Variants in MYO10 observed in about 807,000 individuals in gnomAD.
MYO10 encodes the protein myosin X, also known as unconventional myosin-X.
In MYO10, 133 loss-of-function variants were observed where a neutral mutation model predicts 257.3. That is an observed-to-expected ratio of 0.52 (90% CI 0.45 to 0.60). The LOEUF is 0.60. Among genes scored for constraint, MYO10 ranks in the 20% least tolerant of loss-of-function variants. The pLI is 0.00. For missense variants in MYO10, 2,399 were observed against 2,635.7 expected (o/e 0.91, Z 1.97); for synonymous variants, 1,104 against 1,028.6 (o/e 1.07, Z -1.40).
intron 2 of MYO10, among the ~76,000 whole-genome samples, chr5:16,831,369 G>A (rs544561739): frequency 1.5e-4 from 23 of 152,104 alleles, no homozygotes; most frequent in African/African-American, 2.9e-4. Context: ...CCACTACTGG[G>A]TATCTACCCA....
rs1389030496 is a variant in MYO10 at position 16,763,661 on chromosome 5, T to C, written c.1421A>G (p.Tyr474Cys). Reference sequence around the variant, plus strand: ...GAATTCTATGAGTGCTTACCGGCTATATTCTAGTTGTTCTAAAGAAAAAAT... The same window carrying C: ...GAATTCTATGAGTGCTTACCGGCTACATTCTAGTTGTTCTAAAGAAAAAAT... ...KHIFSLEQLE[Y>C]SREGLVWEDI... is the part of the protein sequence containing the mutation. Residue 474 changes from tyrosine (Y) to cysteine (C), a missense_variant, in exon 13 of 41, where the codon TAT (tyrosine) becomes TGT (cysteine). Physicochemically the swap from Tyr to Cys is radical, Grantham distance 194. Coordinates refer to ENST00000513610, the MANE Select transcript of MYO10 (RefSeq NM_012334.3). The C allele has an allele frequency of 1.2e-6, 2 of 1,604,388 alleles. No homozygotes were observed. The highest frequency in any genetic ancestry group is 1.1e-5 in the South Asian group (1 of 90,732).
chr5:16,758,778 G>A (rs1740608607), intron 17 of MYO10, among the ~76,000 whole-genome samples: 1 of 152,088 alleles, frequency 6.6e-6, no homozygotes, highest in Non-Finnish European at 1.5e-5. Context: ...ATCCCCTAAT[G>A]CCAGGTGAGA....
At chr5:16,902,517 C>T (rs1005746700) in intron 1 of MYO10, 5 of 1,576,430 alleles carry the variant, frequency 3.2e-6, no homozygotes, top group East Asian at 4.5e-5. Flanking sequence ...CACTATGTTT[C>T]GAATGACGAA....
intron 1 of MYO10, among the ~76,000 whole-genome samples, chr5:16,917,350 T>C (rs1000058406): frequency 1.3e-5 from 2 of 152,186 alleles, no homozygotes; most frequent in African/African-American, 4.8e-5. Flanking sequence ...TTCTTACCCT[T>C]AACACTATTG....
At chr5:16,900,864 C>A (rs893282351) in intron 1 of MYO10, among the ~76,000 whole-genome samples, 2 of 151,770 alleles carry the variant, frequency 1.3e-5, no homozygotes, top group Non-Finnish European at 2.9e-5. Context: ...CTCAGCCTCC[C>A]GAGTAGCTGG....
intron 40 of MYO10, among the ~76,000 whole-genome samples, chr5:16,667,632 A>C (rs1554031446): frequency 6.6e-6 from 1 of 151,914 alleles, no homozygotes; most frequent in Non-Finnish European, 1.5e-5. Context: ...GGGAACCTAC[A>C]ATGCCACATC....
At chr5:16,783,504 C>T (rs1395014017) in intron 4 of MYO10, 35 bp from the exon 5 acceptor site, 4 of 1,586,966 alleles carry the variant, frequency 2.5e-6, no homozygotes, top group African/African-American at 1.4e-5. Flanking sequence ...GTGCTTCTAA[C>T]TATAATTTTT....
intron 19 of MYO10, chr5:16,741,840 T>C (rs1260429922): frequency 2.0e-6 from 2 of 985,324 alleles, no homozygotes; most frequent in Admixed American, 6.1e-5. Flanking sequence ...TTCTGTCCAC[T>C]GTAAATAGCT....
rs925182650 is a variant in MYO10 at position 16,841,648 on chromosome 5, G to A, written c.121-23481C>T. The stretch of plus-strand genomic sequence containing the variant: ...TGAGCTCCACAGACCATCACAACGC[G>A]GCAGCCTTTGTGGTCTGAGACACTA... On this transcript the variant is annotated intron_variant, in intron 2 of 40. Coordinates refer to ENST00000513610, the MANE Select transcript of MYO10 (RefSeq NM_012334.3). Among the ~76,000 whole-genome samples, 10 of 152,238 alleles carry A rather than the reference G, an allele frequency of 6.6e-5. No individual in the cohort carries two copies. In the South Asian group the frequency reaches 1.7e-3, roughly 25 times the overall value.
rs1419996626 is a variant in MYO10 at position 16,783,332 on chromosome 5, T to C, written c.602+3A>G. 2.7e-6 allele frequency: 4 copies of C among 1,476,542 alleles called. No homozygotes were observed. Among genetic ancestry groups the C allele is most frequent in the Non-Finnish European group, 3.7e-6 (4 of 1,094,808 alleles). The allele number at this position is 1,476,542 out of a possible 1,614,324, so 91.5% of individuals were successfully genotyped here. Reference sequence around the variant, plus strand: ...AGTTGGAAACAAGAAAATCAATAAATACCTGCTTTCAAGAATAGCTCGTTC... The same window carrying C: ...AGTTGGAAACAAGAAAATCAATAAACACCTGCTTTCAAGAATAGCTCGTTC... On this transcript the variant is annotated splice_donor_region_variant and intron_variant, in intron 5 of 40. Coordinates refer to ENST00000513610, the MANE Select transcript of MYO10 (RefSeq NM_012334.3).
rs187764722 is a variant in MYO10 at position 16,800,550 on chromosome 5, A to G, written c.280-5717T>C. The stretch of plus-strand genomic sequence containing the variant: ...TTACCCAGGTTAGGAACCTGATTTC[A>G]TCTTTTCTTGAGGATTCTGGGACTC... On this transcript the variant is annotated intron_variant, in intron 3 of 40. Coordinates refer to ENST00000513610, the MANE Select transcript of MYO10 (RefSeq NM_012334.3). 1.4e-4 allele frequency among the ~76,000 whole-genome samples: 22 copies of G among 152,304 alleles called. No homozygotes were observed. In the Middle Eastern group the frequency reaches 0.01, roughly 71 times the overall value.
intron 2 of MYO10, among the ~76,000 whole-genome samples, chr5:16,871,128 A>T (rs1249777802): frequency 2.0e-5 from 3 of 152,158 alleles, no homozygotes; most frequent in African/African-American, 7.2e-5. Flanking sequence ...CCATCTTCCA[A>T]ACGTTTCATC....
chr5:16,902,799 G>A (rs1745420597), intron 1 of MYO10, among the ~76,000 whole-genome samples: 1 of 152,192 alleles, frequency 6.6e-6, no homozygotes, highest in Non-Finnish European at 1.5e-5. Flanking sequence ...ACCGTGCCCA[G>A]GGCCATCTTT....
At chr5:16,686,004 A>G (rs1327924087) in intron 28 of MYO10, among the ~76,000 whole-genome samples, 173 bp from the exon 29 acceptor site, 1 of 152,226 alleles carries the variant, frequency 6.6e-6, no homozygotes, top group South Asian at 2.1e-4. Context: ...AAGTGAGAAG[A>G]AGCAGATAAA....
intron 17 of MYO10, among the ~76,000 whole-genome samples, chr5:16,761,145 C>T (rs1740702445): frequency 6.6e-6 from 1 of 152,076 alleles, no homozygotes; most frequent in African/African-American, 2.4e-5. Context: ...TGCCTGCCAC[C>T]ATGCTTGGCT....
intron 4 of MYO10, among the ~76,000 whole-genome samples, chr5:16,790,621 C>T (rs888245121): frequency 2.6e-5 from 4 of 152,120 alleles, no homozygotes; most frequent in South Asian, 2.1e-4. Context: ...CCATGTAAGA[C>T]GTGACTTGCT....
chr5:16,822,947 A>C (rs1480895813), intron 2 of MYO10, among the ~76,000 whole-genome samples: 1 of 151,704 alleles, frequency 6.6e-6, no homozygotes, highest in Non-Finnish European at 1.5e-5. Context: ...TCGGCCTCCC[A>C]AAGTGCTGGG....
At chr5:16,809,875 C>T (rs1376046644) in intron 3 of MYO10, among the ~76,000 whole-genome samples, 1 of 152,114 alleles carries the variant, frequency 6.6e-6, no homozygotes, top group Non-Finnish European at 1.5e-5. Context: ...GCCTCAACAC[C>T]ATAATTGCAG....
At position 16,931,009 on chromosome 5, in the gene MYO10, T is replaced by C. The variant is rs540663825; in HGVS notation, c.21+4779A>G. Among the ~76,000 whole-genome samples the C allele has an allele frequency of 2.0e-5, 3 of 152,324 alleles. No individual in the cohort carries two copies. The South Asian group carries it at 6.2e-4, about 32-fold the overall frequency. ...ACTCCCGGCTGGGCATGGTGGCTCA[T>C]GCCTGTAATCCCAGCACTTTGGGAA... is the stretch of plus-strand genomic sequence containing the variant. On this transcript the variant is annotated intron_variant, in intron 1 of 40. Coordinates refer to ENST00000513610, the MANE Select transcript of MYO10 (RefSeq NM_012334.3).
Sources: allele counts gnomAD v4.1 joint callset (sites outside exome capture counted in the v4.1 genomes callset), GRCh38; gene constraint gnomAD v4.1.1; transcripts MANE v1.5; gene names NCBI Gene and HGNC (gene_info 2026-07-23, HGNC 2026-07-21).